MED12L: variants seen among roughly 807,000 people sequenced by gnomAD.
MED12L encodes mediator complex subunit 12L, also known as mediator of RNA polymerase II transcription subunit 12-like protein.
In MED12L, 60 loss-of-function variants were observed where a neutral mutation model predicts 281.3. The ratio of observed to expected loss-of-function variants is 0.21; its 90% CI spans 0.17 to 0.26. MED12L has a LOEUF of 0.26. Among genes scored for constraint, MED12L ranks in the 10% least tolerant of loss-of-function variants. MED12L has a pLI of 1.00. For missense variants in MED12L, 2,146 were observed against 2,680.9 expected, an observed-to-expected ratio of 0.80 and a Z score of 4.41; for synonymous variants, 974 against 987.2, an observed-to-expected ratio of 0.99 and a Z score of 0.25.
chr3:151,375,642 T>G (rs1048148626), intron 27 of MED12L, among the ~76,000 whole-genome samples: 13 of 152,294 alleles, frequency 8.5e-5, no homozygotes, highest in Non-Finnish European at 1.6e-4. Flanking sequence ...GTCAGTGAGA[T>G]AGTACAATGT....
chr3:151,265,502 A>C (rs990537277), intron 16 of MED12L, among the ~76,000 whole-genome samples: 1 of 152,110 alleles, frequency 6.6e-6, no homozygotes, highest in Non-Finnish European at 1.5e-5. Flanking sequence ...TCAACTGCCC[A>C]CTTGCCGGTC....
intron 16 of MED12L, among the ~76,000 whole-genome samples, chr3:151,293,740 CAG>C (rs1422771343): frequency 6.6e-6 from 1 of 152,098 alleles, no homozygotes; most frequent in African/African-American, 2.4e-5. Context: ...AATCCCCACA[CAG>C]AGAATGAGGG....
chr3:151,143,549 T>C (rs1291226798), intron 5 of MED12L, among the ~76,000 whole-genome samples: 1 of 152,238 alleles, frequency 6.6e-6, no homozygotes, highest in Non-Finnish European at 1.5e-5. Context: ...CTTCTGTGTC[T>C]TCAGAGTGGG....
chr3:151,267,371 G>C (rs923267526), intron 16 of MED12L, among the ~76,000 whole-genome samples: 2 of 152,148 alleles, frequency 1.3e-5, no homozygotes, highest in African/African-American at 4.8e-5. Flanking sequence ...AATTTAAGTA[G>C]CTAATCACAA....
chr3:151,177,810 T>C (rs2149038715), intron 11 of MED12L, among the ~76,000 whole-genome samples: 1 of 152,280 alleles, frequency 6.6e-6, no homozygotes, highest in East Asian at 1.9e-4. Context: ...ATTTTTTAAT[T>C]ACTGCTAACT....
At chr3:151,379,584 GTCC>G (rs1265893401) in intron 31 of MED12L, among the ~76,000 whole-genome samples, 1 of 152,160 alleles carries the variant, frequency 6.6e-6, no homozygotes, top group Non-Finnish European at 1.5e-5. Flanking sequence ...TGTTTTTGGA[GTCC>G]TCAGCCCTGG....
chr3:151,165,375 T>G (rs1331006980), intron 9 of MED12L, 45 bp from the exon 10 acceptor site: 1 of 1,486,790 alleles, frequency 6.7e-7, no homozygotes, highest in South Asian at 1.1e-5. Context: ...AGACATGCGC[T>G]GTGGCATTCC....
At chr3:151,210,923 GT>G (rs1727063010) in intron 16 of MED12L, among the ~76,000 whole-genome samples, 1 of 152,220 alleles carries the variant, frequency 6.6e-6, no homozygotes, top group Admixed American at 6.5e-5. Context: ...CACCTGAGTT[GT>G]AAGCCTCGGT....
chr3:151,352,060 A>G (rs1034345713), intron 17 of MED12L, among the ~76,000 whole-genome samples: 3 of 152,222 alleles, frequency 2.0e-5, no homozygotes, highest in Admixed American at 1.3e-4. Flanking sequence ...TGCATATATA[A>G]TGAGAAATCT....
At chr3:151,340,142 A>C (rs949731901) in intron 16 of MED12L, among the ~76,000 whole-genome samples, 9 of 152,120 alleles carry the variant, frequency 5.9e-5, no homozygotes, top group Admixed American at 5.2e-4. Context: ...ATGCTAAACA[A>C]AACCTAATGT....
chr3:151,416,296 T>G lies in MED12L; in HGVS notation c.6298-16T>G. The G allele has an allele frequency of 6.2e-7, 1 of 1,612,674 alleles. No homozygotes were observed. Among genetic ancestry groups the G allele is most frequent in the Middle Eastern group, 2.0e-4 (1 of 4,918 alleles). ...TTCTTCCTTTTAAGTGTATAACATT[T>G]TTACCCTCTTTCCAGATGCAGCAGC... On this transcript the variant is annotated splice_polypyrimidine_tract_variant and intron_variant, in intron 42 of 44. Transcript: ENST00000687756.
Position 151,411,439 on chromosome 3 carries a change from G to A in MED12L, c.6072G>A (p.Gln2024=). ...PVLMERLRQI[Q]QQPSGYVQQQ... ...TAATGGAAAGACTCAGACAGATTCA[G>A]CAGCAGCCGAGTGGCTATGTTCAGC... The change falls in exon 41 of 45, where the codon CAG becomes CAA. Residue 2024 remains glutamine, a synonymous_variant. Transcript: ENST00000687756. 6.2e-7 allele frequency: 1 copy of A among 1,614,166 alleles called. No individual in the cohort carries two copies. The highest frequency in any genetic ancestry group is 1.1e-5 in the South Asian group (1 of 91,078).
At chr3:151,147,241 T>C (rs1408217659) in intron 5 of MED12L, among the ~76,000 whole-genome samples, 6 of 152,230 alleles carry the variant, frequency 3.9e-5, no homozygotes, top group Non-Finnish European at 7.3e-5. Context: ...CCTAGTGTTT[T>C]ACTTTTTATC....
At chr3:151,322,903 C>G (rs1242409965) in intron 16 of MED12L, among the ~76,000 whole-genome samples, 2 of 152,120 alleles carry the variant, frequency 1.3e-5, no homozygotes, top group Middle Eastern at 3.4e-3. Flanking sequence ...GACCTCTAAT[C>G]TTAGTCCTAT....
chr3:151,322,972 C>G (rs1749165291), intron 16 of MED12L, among the ~76,000 whole-genome samples: 2 of 152,178 alleles, frequency 1.3e-5, no homozygotes, highest in African/African-American at 4.8e-5. Context: ...CTAGCTCTTT[C>G]ACTGATACCT....
chr3:151,294,261 AT>A (rs1559992905), intron 16 of MED12L: 6 of 1,613,936 alleles, frequency 3.7e-6, no homozygotes, highest in Non-Finnish European at 5.1e-6. Context: ...CTGATATTTG[AT>A]TTTTTGAACA....
At chr3:151,284,446 C>T (rs1160805486) in intron 16 of MED12L, among the ~76,000 whole-genome samples, 1 of 152,056 alleles carries the variant, frequency 6.6e-6, no homozygotes, top group Non-Finnish European at 1.5e-5. Context: ...GGTGGCCTGA[C>T]TAGAATAGTG....
chr3:151,145,334 T>C (rs1252857960), intron 5 of MED12L, among the ~76,000 whole-genome samples: 1 of 152,214 alleles, frequency 6.6e-6, no homozygotes, highest in East Asian at 1.9e-4. Flanking sequence ...GTCCCCAGGA[T>C]TGTGTCTGCT....
intron 2 of MED12L, among the ~76,000 whole-genome samples, chr3:151,108,329 T>C (rs1194091741): frequency 6.6e-6 from 1 of 152,010 alleles, no homozygotes; most frequent in African/African-American, 2.4e-5. Flanking sequence ...ATGGATAGGT[T>C]TGGTTAATGA....
Sources: gnomAD v4.1 joint callset for allele counts (sites outside exome capture counted in the v4.1 genomes callset) on GRCh38, gnomAD v4.1.1 for gene constraint, MANE v1.5 for transcripts, NCBI Gene and HGNC (gene_info 2026-07-23, HGNC 2026-07-21) for gene names.